Variants in HS6ST3 observed in about 807,000 individuals in gnomAD.
HS6ST3 encodes the protein heparan-sulfate 6-O-sulfotransferase 3.
In HS6ST3, 12 loss-of-function variants were observed where a neutral mutation model predicts 36.7. The observed-to-expected ratio is 0.33, with a 90% CI of 0.21 to 0.53. The LOEUF (loss-of-function observed/expected upper bound fraction) is 0.53. HS6ST3 is among the 20% of genes least tolerant of loss of function. HS6ST3 has a pLI of 0.95. For synonymous variants in HS6ST3, 240 were observed against 257.5 expected (o/e 0.93, Z 0.65); for missense variants, 584 against 640.9 (o/e 0.91, Z 0.96).
intron 1 of HS6ST3, among the ~76,000 whole-genome samples, chr13:96,296,872 A>T (rs1302524500): frequency 6.6e-6 from 1 of 152,142 alleles, no homozygotes; most frequent in South Asian, 2.1e-4. Context: ...ACTTTAATTT[A>T]TTAACACAGT....
chr13:96,505,286 G>A (rs1052725808), intron 1 of HS6ST3, among the ~76,000 whole-genome samples: 2 of 152,122 alleles, frequency 1.3e-5, no homozygotes, highest in African/African-American at 4.8e-5. Context: ...AATTTCAAAA[G>A]CACTAATGAG....
intron 1 of HS6ST3, among the ~76,000 whole-genome samples, chr13:96,387,031 T>A (rs2055371890): frequency 6.6e-6 from 1 of 152,082 alleles, no homozygotes; most frequent in Non-Finnish European, 1.5e-5. Flanking sequence ...CAGGCTCAGG[T>A]GATCCTCGTG....
At chr13:96,421,629 A>G (rs191715059) in intron 1 of HS6ST3, among the ~76,000 whole-genome samples, 1 of 151,958 alleles carries the variant, frequency 6.6e-6, no homozygotes, top group Admixed American at 6.6e-5. Flanking sequence ...TGTGTGCTTG[A>G]TTTGCCCTAT....
intron 1 of HS6ST3, among the ~76,000 whole-genome samples, chr13:96,240,516 A>G (rs1445101136): frequency 3.9e-5 from 6 of 152,232 alleles, no homozygotes; most frequent in African/African-American, 1.4e-4. Context: ...CCTGGAGGAA[A>G]TAAAGTTAAA....
intron 1 of HS6ST3, among the ~76,000 whole-genome samples, chr13:96,351,335 T>TTTTTTTTTAA (rs1203595829): frequency 3.4e-5 from 5 of 146,366 alleles, no homozygotes; most frequent in African/African-American, 7.8e-5. Context: ...TTTTTTTTTT[T>TTTTTTTTTAA]AAAAAAAACA....
At chr13:96,287,320 A>G (rs993329635) in intron 1 of HS6ST3, among the ~76,000 whole-genome samples, 2 of 152,212 alleles carry the variant, frequency 1.3e-5, no homozygotes, top group South Asian at 2.1e-4. Context: ...CCATAAAAAT[A>G]TATAGAAAAA....
At chr13:96,798,124 T>C (rs1877958760) in intron 1 of HS6ST3, among the ~76,000 whole-genome samples, 2 of 152,030 alleles carry the variant, frequency 1.3e-5, no homozygotes, top group South Asian at 4.1e-4. Context: ...TGGCTTATTA[T>C]GACGGATATA....
chr13:96,464,947 CGTGTGTGTGTGTGTGTGTGTGTGT>C (rs71113997), intron 1 of HS6ST3, among the ~76,000 whole-genome samples: 6 of 145,484 alleles, frequency 4.1e-5, no homozygotes, highest in East Asian at 2.1e-4. Flanking sequence ...CAAGATGCTT[CGTGTGTGTGTGTGTGTGTGTGTGT>C]GTGTGTGTGT....
intron 1 of HS6ST3, among the ~76,000 whole-genome samples, chr13:96,763,348 G>T (rs1161650783): frequency 6.7e-6 from 1 of 149,986 alleles, no homozygotes; most frequent in Non-Finnish European, 1.5e-5. Context: ...ATAACTAGCA[G>T]GGAGTCATGG....
At chr13:96,384,894 C>T (rs1190422871) in intron 1 of HS6ST3, among the ~76,000 whole-genome samples, 1 of 152,044 alleles carries the variant, frequency 6.6e-6, no homozygotes, top group Non-Finnish European at 1.5e-5. Flanking sequence ...TAAAAGGGTT[C>T]TTTGGCCGGG....
chr13:96,613,805 A>G (rs1008210784), intron 1 of HS6ST3, among the ~76,000 whole-genome samples: 8 of 152,342 alleles, frequency 5.3e-5, no homozygotes, highest in Middle Eastern at 3.4e-3. Context: ...ATTAATAAAA[A>G]GAGGGCTTGT....
intron 1 of HS6ST3, among the ~76,000 whole-genome samples, chr13:96,191,705 G>A (rs1594710474): frequency 6.6e-6 from 1 of 152,054 alleles, no homozygotes; most frequent in Admixed American, 6.6e-5. Context: ...GGCCTGAAAC[G>A]GTGCCCTAGT....
At chr13:96,710,667 C>A (rs1173016307) in intron 1 of HS6ST3, among the ~76,000 whole-genome samples, 1 of 152,216 alleles carries the variant, frequency 6.6e-6, no homozygotes, top group African/African-American at 2.4e-5. Context: ...CTGGATACTG[C>A]GGGAGGACCC....
At chr13:96,416,032 A>G (rs992865746) in intron 1 of HS6ST3, among the ~76,000 whole-genome samples, 2 of 152,184 alleles carry the variant, frequency 1.3e-5, no homozygotes, top group Non-Finnish European at 2.9e-5. Flanking sequence ...TCTATCAAAA[A>G]CAGATAAAGA....
chr13:96,179,473 C>T (rs981313139), intron 1 of HS6ST3, among the ~76,000 whole-genome samples: 1 of 152,224 alleles, frequency 6.6e-6, no homozygotes, highest in Non-Finnish European at 1.5e-5. Flanking sequence ...ATTTACTCGT[C>T]CATTCACCAT....
chr13:96,652,730 C>A (rs889746880), intron 1 of HS6ST3, among the ~76,000 whole-genome samples: 10 of 152,032 alleles, frequency 6.6e-5, no homozygotes, highest in Non-Finnish European at 1.5e-4. Flanking sequence ...TGAGTAATGC[C>A]TCCAGTCTTT....
chr13:96,163,761 CGAAA>C (rs2054148469), intron 1 of HS6ST3, among the ~76,000 whole-genome samples: 1 of 152,116 alleles, frequency 6.6e-6, no homozygotes, highest in Non-Finnish European at 1.5e-5. Flanking sequence ...TACTACTGCA[CGAAA>C]TGATGTACTT....
chr13:96,125,907 T>C (rs1425087991), intron 1 of HS6ST3, among the ~76,000 whole-genome samples: 1 of 151,974 alleles, frequency 6.6e-6, no homozygotes, highest in Non-Finnish European at 1.5e-5. Flanking sequence ...ATTAGGTATA[T>C]CTCCTAAAGC....
intron 1 of HS6ST3, among the ~76,000 whole-genome samples, chr13:96,363,571 T>A (rs564098734): frequency 1.3e-5 from 2 of 152,282 alleles, no homozygotes; most frequent in South Asian, 4.1e-4. Context: ...CATACTACAT[T>A]CTTCTTATTA....
Sources: allele counts gnomAD v4.1 joint callset (sites outside exome capture counted in the v4.1 genomes callset), GRCh38; gene constraint gnomAD v4.1.1; transcripts MANE v1.5; gene names NCBI Gene and HGNC (gene_info 2026-07-23, HGNC 2026-07-21).